YAE1: variants seen among roughly 807,000 people sequenced by gnomAD.
YAE1 encodes the protein protein YAE1 homolog.
A neutral mutation model predicts 23.0 loss-of-function variants in YAE1; 22 were observed. The observed-to-expected ratio is 0.96, with a 90% CI of 0.68 to 1.37. The LOEUF (loss-of-function observed/expected upper bound fraction) is 1.37. YAE1 is among the 40% of genes most tolerant of loss of function. The pLI is 0.00. For missense variants in YAE1, 260 were observed against 262.1 expected, an observed-to-expected ratio of 0.99 and a Z score of 0.06; for synonymous variants, 101 against 97.0, an observed-to-expected ratio of 1.04 and a Z score of -0.24.
intron 2 of YAE1, among the ~76,000 whole-genome samples, chr7:39,585,729 A>G (rs1399457695): frequency 6.6e-6 from 1 of 152,248 alleles, no homozygotes; most frequent in Non-Finnish European, 1.5e-5. Flanking sequence ...TCTTCAGGGA[A>G]TAGATACATT....
At chr7:39,600,832 A>G (rs1295667245) in intron 2 of YAE1, among the ~76,000 whole-genome samples, 2 of 152,256 alleles carry the variant, frequency 1.3e-5, no homozygotes, top group African/African-American at 4.8e-5. Flanking sequence ...ACAAGGAGCT[A>G]AGGGAGAGGC....
rs1466799945 is a variant in YAE1 at position 39,609,436 on chromosome 7, GA to G, written c.252-178del. The G allele has an allele frequency of 5.4e-6, 4 of 746,310 alleles. No homozygotes were observed. In the East Asian group the frequency reaches 1.1e-4, roughly 21 times the overall value. The allele number at this position is 746,310 out of a possible 1,614,324, so 46.2% of individuals were successfully genotyped here. A position where few individuals can be genotyped will look rare whatever the true frequency, so the allele number is the denominator to read the frequency against. On this transcript the variant is annotated intron_variant, in intron 2 of 2. Coordinates refer to the YAE1 transcript ENST00000432096. ...GGGAACACTGGTTATTATTTTATCAGAAAGTAATGATGTTATCAAATTGGGA... is the reference window on the plus strand; with the variant it reads ...GGGAACACTGGTTATTATTTTATCAGAAGTAATGATGTTATCAAATTGGGA...
intron 1 of YAE1, chr7:39,570,118 C>T: frequency 2.1e-6 from 2 of 942,472 alleles, no homozygotes; most frequent in Non-Finnish European, 1.7e-6. Context: ...CGTTGCTCTG[C>T]CGCCTGTGGG....
intron 2 of YAE1, among the ~76,000 whole-genome samples, chr7:39,588,389 G>A (rs544773551): frequency 6.6e-6 from 1 of 151,790 alleles, no homozygotes; most frequent in East Asian, 1.9e-4. Flanking sequence ...GCGTGTGCCT[G>A]TAATCCCAGC....
At chr7:39,589,295 C>T (rs1174192406) in intron 2 of YAE1, among the ~76,000 whole-genome samples, 1 of 152,128 alleles carries the variant, frequency 6.6e-6, no homozygotes, top group Non-Finnish European at 1.5e-5. Flanking sequence ...CCCATGAACA[C>T]ATGTGTTTTA....
intron 2 of YAE1, among the ~76,000 whole-genome samples, chr7:39,587,847 A>G (rs2115814284): frequency 6.6e-6 from 1 of 152,326 alleles, no homozygotes; most frequent in South Asian, 2.1e-4. Flanking sequence ...CGTTATGAAA[A>G]GGGGTGCTGT....
chr7:39,577,356 C>G (rs796711449), downstream of YAE1, among the ~76,000 whole-genome samples: 3 of 152,242 alleles, frequency 2.0e-5, no homozygotes, highest in Admixed American at 6.5e-5. Flanking sequence ...CTTGAGGAGC[C>G]CTTCAGCCCG....
At position 39,572,406 on chromosome 7, in the gene YAE1, G is replaced by A. The variant is rs141668087; in HGVS notation, c.381G>A (p.Pro127=). 84 of 1,613,950 alleles carry A rather than the reference G, an allele frequency of 5.2e-5. No individual in the cohort carries two copies. Among genetic ancestry groups the A allele is most frequent in the Middle Eastern group, 1.6e-4 (1 of 6,084 alleles). The change falls in exon 3 of 3, where the codon CCG becomes CCA. Residue 127 remains proline, a synonymous_variant. Coordinates refer to ENST00000223273, the MANE Select transcript of YAE1 (RefSeq NM_020192.5). ...AACATCTGAAATCAATCACTCCACC[G>A]TCCCATGTTGTAGATTTATTGGACT... The part of the protein sequence containing the change: ...VLKHLKSITP[P]SHVVDLLDSI...
intron 2 of YAE1, among the ~76,000 whole-genome samples, chr7:39,579,310 C>G (rs1183040705): frequency 1.3e-5 from 2 of 152,110 alleles, no homozygotes; most frequent in South Asian, 2.1e-4. Flanking sequence ...AAGCCTGGTT[C>G]CAGAGTGTGT....
intron 1 of YAE1, chr7:39,569,761 C>G (rs1187180166): frequency 1.3e-6 from 1 of 753,090 alleles, no homozygotes; most frequent in East Asian, 2.5e-5. Context: ...CTCATCTGAA[C>G]AGAACCTGAA....
At chr7:39,582,982 C>A (rs1433030566) in intron 2 of YAE1, among the ~76,000 whole-genome samples, 1 of 152,128 alleles carries the variant, frequency 6.6e-6, no homozygotes, top group Admixed American at 6.5e-5. Flanking sequence ...ACGTAAAAAT[C>A]CCACTTCTAG....
intron 2 of YAE1, chr7:39,609,538 A>G: frequency 6.7e-7 from 1 of 1,482,736 alleles, no homozygotes. Flanking sequence ...GATGTTATCG[A>G]ATTGGGAGAA....
chr7:39,574,442 A>G (rs1249681480), downstream of YAE1, among the ~76,000 whole-genome samples: 1 of 151,988 alleles, frequency 6.6e-6, no homozygotes, highest in African/African-American at 2.4e-5. Context: ...TAGTAAAATG[A>G]AAAAAATCCG....
At chr7:39,570,156 C>T in intron 1 of YAE1, 2 of 744,960 alleles carry the variant, frequency 2.7e-6, no homozygotes, top group South Asian at 1.6e-5. Flanking sequence ...AGCAACAGTA[C>T]CAGGACTGCC....
intron 2 of YAE1, among the ~76,000 whole-genome samples, chr7:39,606,878 G>A (rs1298111555): frequency 6.6e-6 from 1 of 152,080 alleles, no homozygotes; most frequent in African/African-American, 2.4e-5. Context: ...CTCGTTTCAG[G>A]GTGATTTGCA....
chr7:39,600,449 G>A (rs1791039376), intron 2 of YAE1, among the ~76,000 whole-genome samples: 1 of 152,012 alleles, frequency 6.6e-6, no homozygotes, highest in African/African-American at 2.4e-5. Flanking sequence ...CCAGGCTGGA[G>A]TGCAGTGGCA....
intron 2 of YAE1, among the ~76,000 whole-genome samples, chr7:39,607,962 C>T (rs972378668): frequency 6.6e-6 from 1 of 152,216 alleles, no homozygotes; most frequent in Admixed American, 6.5e-5. Flanking sequence ...AGCCAGGGCG[C>T]CTGGCCGTAA....
chr7:39,599,407 G>A (rs1056127095), intron 2 of YAE1, among the ~76,000 whole-genome samples: 9 of 151,680 alleles, frequency 5.9e-5, no homozygotes, highest in South Asian at 4.2e-4. Context: ...ATGGAGTCTC[G>A]CTCTGTTGCC....
intron 2 of YAE1, among the ~76,000 whole-genome samples, chr7:39,599,785 G>A (rs1716863673): frequency 6.6e-6 from 1 of 151,624 alleles, no homozygotes; most frequent in Admixed American, 6.6e-5. Context: ...CCAGGCTGGA[G>A]TGCATGTTGG....
Sources: allele counts gnomAD v4.1 joint callset (sites outside exome capture counted in the v4.1 genomes callset), GRCh38; gene constraint gnomAD v4.1.1; transcripts MANE v1.5; gene names NCBI Gene and HGNC (gene_info 2026-07-23, HGNC 2026-07-21).